The following MCM4 variants were observed in gnomAD, a reference collection of about 807,000 sequenced individuals.
MCM4 encodes the protein minichromosome maintenance complex component 4.
In MCM4, 60 loss-of-function variants were observed where a neutral mutation model predicts 88.7. The ratio of observed to expected loss-of-function variants is 0.68; its 90% CI spans 0.55 to 0.84. The LOEUF (loss-of-function observed/expected upper bound fraction) is 0.84, where lower values mean the gene tolerates loss of function less well. Among genes scored for constraint, MCM4 ranks in the 40% least tolerant of loss-of-function variants. The pLI is 0.00. For synonymous variants in MCM4, 465 were observed against 410.5 expected, an observed-to-expected ratio of 1.13 and a Z score of -1.61; for missense variants, 1,149 against 1,105.5, an observed-to-expected ratio of 1.04 and a Z score of -0.56.
intron 5 of MCM4, 76 bp from the exon 6 acceptor site, chr8:47,962,688 C>T: frequency 1.2e-6 from 1 of 814,118 alleles, no homozygotes; most frequent in South Asian, 1.6e-5. Context: ...GTGACATACT[C>T]ATAACTTTGT....
intron 2 of MCM4, 119 bp from the exon 3 acceptor site, chr8:47,961,397 C>T (rs1589826413): frequency 5.1e-6 from 8 of 1,572,430 alleles, no homozygotes; most frequent in Admixed American, 1.8e-5. Flanking sequence ...AATTCGATTG[C>T]CATTTGCCTC....
In MCM4 at chr8:47,967,423, T is replaced by G; in HGVS notation, c.1112T>G (p.Ile371Ser). The change falls in exon 10 of 17, where the codon ATC becomes AGC. Residue 371 changes from isoleucine to serine, a missense_variant. Physicochemically the swap from Ile to Ser is moderately radical, Grantham distance 142. Transcript: ENST00000649973. ...GCAGGGCAGACACCACACACAGTTA[T>G]CCTGTTTGCTCACAATGATCTCGTT... ...MPAGQTPHTV[I>S]LFAHNDLVDK... 1 of 1,614,166 alleles carries G rather than the reference T, an allele frequency of 6.2e-7. No individual in the cohort carries two copies. Among genetic ancestry groups the G allele is most frequent in the Non-Finnish European group, 8.5e-7 (1 of 1,180,020 alleles).
In MCM4 at chr8:47,970,028, A is replaced by G; in HGVS notation, c.1405A>G (p.Ser469Gly). ...YERLASALAP[S>G]IYEHEDIKKG... Reference sequence around the variant, plus strand: ...GAGGCTTGCTTCAGCCTTGGCTCCAAGCATTTATGAACATGAAGATATAAA... The same window carrying G: ...GAGGCTTGCTTCAGCCTTGGCTCCAGGCATTTATGAACATGAAGATATAAA... Residue 469 changes from serine (S) to glycine (G), a missense_variant, in exon 11 of 17, where the codon AGC becomes GGC. Transcript: ENST00000649973. 1.9e-6 allele frequency: 3 copies of G among 1,614,162 alleles called. No individual in the cohort carries two copies. Among genetic ancestry groups the G allele is most frequent in the Middle Eastern group, 1.6e-4 (1 of 6,062 alleles).
intron 2 of MCM4, 109 bp from the exon 3 acceptor site, chr8:47,961,407 C>G (rs1328540939): frequency 6.3e-7 from 1 of 1,589,880 alleles, no homozygotes; most frequent in African/African-American, 1.3e-5. Context: ...CCATTTGCCT[C>G]TGTTTGGTTT....
chr8:47,972,598 C>G (rs761778316), intron 13 of MCM4, among the ~76,000 whole-genome samples: 1 of 152,104 alleles, frequency 6.6e-6, no homozygotes, highest in Non-Finnish European at 1.5e-5. Context: ...CCTCTGTCGG[C>G]CAGGCTGGAG....
chr8:47,966,218 G>A lies in MCM4; in HGVS notation c.864G>A (p.Met288Ile), dbSNP rs138095027. The A allele has an allele frequency of 7.4e-6, 12 of 1,614,110 alleles. No individual in the cohort carries two copies. The African/African-American group carries it at 1.6e-4, about 22-fold the overall frequency. The change falls in exon 9 of 17, where the codon ATG becomes ATA. Residue 288 changes from methionine to isoleucine, a missense_variant. Met to Ile is a conservative substitution (Grantham distance 10). Transcript: ENST00000649973. ...DIDQLITISG[M>I]VIRTSQLIPE... is the part of the protein sequence containing the mutation. The stretch of plus-strand genomic sequence containing the variant: ...ACCAGCTCATCACCATCAGCGGCAT[G>A]GTGATCAGGACATCCCAGCTGATTC...
At chr8:47,973,858 A>G (rs2090977726) in intron 14 of MCM4, 1 of 152,222 alleles carries the variant, frequency 6.6e-6, no homozygotes. Context: ...AATGTTGCAA[A>G]AGGGGGAAAT....
chr8:47,966,117 T>G (rs2154505142), intron 8 of MCM4, 70 bp from the exon 9 acceptor site: 2 of 1,320,018 alleles, frequency 1.5e-6, no homozygotes, highest in Non-Finnish European at 2.2e-6. Context: ...AGCTCCTGTC[T>G]GTGATCCCAG....
In MCM4 at chr8:47,960,976, A is replaced by G; in HGVS notation, c.-53A>G. On this transcript the variant is annotated 5_prime_UTR_variant, in exon 1 of 17. Transcript: ENST00000649973. ...AGCGCTACTCGCCAGGTGGACTCGG[A>G]GTCCGCGAGCGTCGTCGGCAAGCGG... The G allele has an allele frequency of 3.2e-6, 2 of 634,438 alleles. No individual in the cohort carries two copies. Among genetic ancestry groups the G allele is most frequent in the South Asian group, 4.9e-5 (2 of 40,804 alleles). 39.3% of individuals were successfully genotyped at this position (634,438 alleles called of 1,614,324 possible). A position where few individuals can be genotyped will look rare whatever the true frequency, so the allele number is the denominator to read the frequency against.
chr8:47,961,536 T>A lies in MCM4; in HGVS notation c.91T>A (p.Ser31Thr). ...ACAAGCTCGGAGTGAGGATGCCAGG[T>A]CATCTCCCTCTCAGAGACGTAGAGG... ...AQTPRSEDAR[S>T]SPSQRRRGED... The change falls in exon 3 of 17, where the codon TCA becomes ACA. Residue 31 changes from serine (S) to threonine (T), a missense_variant. Physicochemically the swap from Ser to Thr is moderately conservative, Grantham distance 58. Around this residue, in one of 3 missense-constraint regions of MCM4, gnomAD observed 906 missense variants for 843.0 expected, o/e 1.07. Transcript: ENST00000649973. The A allele has an allele frequency of 2.5e-6, 4 of 1,614,108 alleles. No homozygotes were observed. The highest frequency in any genetic ancestry group is 3.4e-6 in the Non-Finnish European group (4 of 1,180,040).
Position 47,974,948 on chromosome 8 carries a change from C to G in MCM4, c.2351C>G (p.Ser784Cys). The G allele has an allele frequency of 6.2e-7, 1 of 1,612,138 alleles. No homozygotes were observed. Among genetic ancestry groups the G allele is most frequent in the Non-Finnish European group, 8.5e-7 (1 of 1,178,752 alleles). Reference sequence around the variant, plus strand: ...CCCCGGACTGGCATCGTGGACATATCTATTCTTACTACGGGTTCGTTATTT... The same window carrying G: ...CCCCGGACTGGCATCGTGGACATATGTATTCTTACTACGGGTTCGTTATTT... ...TDPRTGIVDI[S>C]ILTTGMSATS... The change falls in exon 15 of 17, where the codon TCT becomes TGT. Residue 784 changes from serine to cysteine, a missense_variant. By Grantham distance (112) the Ser-to-Cys change is moderately radical (BLOSUM62 -1). Coordinates refer to ENST00000649973, the MANE Select transcript of MCM4 (RefSeq NM_182746.3).
chr8:47,971,875 TTC>T, intron 13 of MCM4, among the ~76,000 whole-genome samples: 1 of 152,342 alleles, frequency 6.6e-6, no homozygotes. Context: ...TTGCTTTTTT[TTC>T]TTTTTTTTTG....
intron 15 of MCM4, 85 bp from the exon 16 acceptor site, chr8:47,975,630 T>C: frequency 9.9e-7 from 1 of 1,009,186 alleles, no homozygotes; most frequent in Non-Finnish European, 1.4e-6. Flanking sequence ...TTCTAGGTGA[T>C]ACTACTAAAG....
In MCM4 at chr8:47,962,069, T is replaced by G; in HGVS notation, c.252T>G (p.Phe84Leu). 1 of 1,614,130 alleles carries G rather than the reference T, an allele frequency of 6.2e-7. No homozygotes were observed. The highest frequency in any genetic ancestry group is 1.1e-5 in the South Asian group (1 of 91,074). ...TTTTTATAGCTATCCCTCTTGACTT[T>G]GATGTTAGTTCACCACTGACATACG... ...QMHSSAIPLD[F>L]DVSSPLTYGT... Residue 84 changes from phenylalanine to leucine, a missense_variant, in exon 4 of 17, where the codon TTT becomes TTG. By Grantham distance (22) the Phe-to-Leu change is conservative. This residue lies in a region of MCM4 where 906 missense variants were observed against 843.0 expected (regional missense o/e 1.07). Coordinates refer to ENST00000649973, the MANE Select transcript of MCM4 (RefSeq NM_182746.3).
chr8:47,964,848 TATAG>T, intron 8 of MCM4, 136 bp downstream of exon 8: 1 of 686,946 alleles, frequency 1.5e-6, no homozygotes, highest in Non-Finnish European at 2.3e-6. Flanking sequence ...TTGACAATAA[TATAG>T]ATTCAGTTAT....
chr8:47,974,885 G>C lies in MCM4; in HGVS notation c.2288G>C (p.Arg763Pro). The C allele has an allele frequency of 6.2e-7, 1 of 1,614,210 alleles. No individual in the cohort carries two copies. The highest frequency in any genetic ancestry group is 8.5e-7 in the Non-Finnish European group (1 of 1,180,032). ...VEAIDVEEAK[R>P]LHREALKQSA... ...GCCATTGATGTGGAAGAGGCCAAAC[G>C]CCTCCATCGGGAAGCTCTGAAGCAG... is the stretch of plus-strand genomic sequence containing the variant. The change falls in exon 15 of 17, where the codon CGC becomes CCC. Residue 763 changes from arginine (R) to proline (P), a missense_variant. Physicochemically the swap from Arg to Pro is moderately radical, Grantham distance 103. Around this residue, in one of 3 missense-constraint regions of MCM4, gnomAD observed 238 missense variants for 241.6 expected, o/e 0.99. Coordinates refer to ENST00000649973, the MANE Select transcript of MCM4 (RefSeq NM_182746.3).
In MCM4 at chr8:47,970,826, A is replaced by G. The variant is rs775002382; in HGVS notation, c.1750A>G (p.Arg584Gly). ...GTTCGACAAGATGAATGAAAGTACAAGATCGGTATTGCATGAAGTCATGGA... is the reference window on the plus strand; with the variant it reads ...GTTCGACAAGATGAATGAAAGTACAGGATCGGTATTGCATGAAGTCATGGA... ...DEFDKMNEST[R>G]SVLHEVMEQQ... Residue 584 changes from arginine to glycine, a missense_variant, in exon 12 of 17, where the codon AGA becomes GGA. Physicochemically the swap from Arg to Gly is moderately radical, Grantham distance 125. Around this residue, in one of 3 missense-constraint regions of MCM4, gnomAD observed 906 missense variants for 843.0 expected, o/e 1.07. Transcript: ENST00000649973. 3.1e-6 allele frequency: 5 copies of G among 1,612,546 alleles called. No homozygotes were observed. The East Asian group carries it at 6.7e-5, about 22-fold the overall frequency.
Position 47,976,828 on chromosome 8 carries a change from A to G in MCM4, c.*50A>G, listed in dbSNP as rs2091005949. 3 of 1,195,480 alleles carry G rather than the reference A, an allele frequency of 2.5e-6. No homozygotes were observed. Among genetic ancestry groups the G allele is most frequent in the Non-Finnish European group, 3.7e-6 (3 of 800,670 alleles). The allele number at this position is 1,195,480 out of a possible 1,614,324, so 74.1% of individuals were successfully genotyped here. A position where few individuals can be genotyped will look rare whatever the true frequency, so the allele number is the denominator to read the frequency against. ...CTGCATGTCCTGCTTGCTGCACGCCACATGGGTGTGGTCTGCATCTCAGTT... is the reference window on the plus strand; with the variant it reads ...CTGCATGTCCTGCTTGCTGCACGCCGCATGGGTGTGGTCTGCATCTCAGTT... On this transcript the variant is annotated 3_prime_UTR_variant, in exon 17 of 17. Coordinates refer to ENST00000649973, the MANE Select transcript of MCM4 (RefSeq NM_182746.3).
chr8:47,967,441 A>C lies in MCM4; in HGVS notation c.1130A>C (p.Asp377Ala), dbSNP rs746233852. ...ACAGTTATCCTGTTTGCTCACAATG[A>C]TCTCGTTGACAAGGTCCAGCCTGGG... ...PHTVILFAHN[D>A]LVDKVQPGDR... The change falls in exon 10 of 17, where the codon GAT becomes GCT. Residue 377 changes from aspartate to alanine, a missense_variant. Physicochemically the swap from Asp to Ala is moderately radical, Grantham distance 126 (BLOSUM62 -2). Transcript: ENST00000649973. 7 of 1,614,174 alleles carry C rather than the reference A, an allele frequency of 4.3e-6. No homozygotes were observed. In the South Asian group the frequency reaches 5.5e-5, roughly 13 times the overall value.
Sources: gnomAD v4.1 joint callset for allele counts (sites outside exome capture counted in the v4.1 genomes callset) on GRCh38, gnomAD v4.1.1 for gene constraint, gnomAD v4.1.1 regional missense constraint, MANE v1.5 for transcripts, NCBI Gene and HGNC (gene_info 2026-07-23, HGNC 2026-07-21) for gene names.